Variants in FBN2 observed in about 807,000 individuals in gnomAD.
FBN2 encodes the protein fibrillin 2, also known as fibrillin-2.
In FBN2, 105 loss-of-function variants were observed where a neutral mutation model predicts 355.6. The observed-to-expected ratio is 0.30, with a 90% CI of 0.25 to 0.35. The LOEUF (loss-of-function observed/expected upper bound fraction) is 0.35. FBN2 is among the 10% of genes least tolerant of loss of function. FBN2 has a pLI of 1.00. For missense variants in FBN2, 3,280 were observed against 3,758.7 expected, an observed-to-expected ratio of 0.87 and a Z score of 3.33; for synonymous variants, 1,350 against 1,301.2, an observed-to-expected ratio of 1.04 and a Z score of -0.81.
In FBN2 at chr5:128,290,897, G is replaced by C; in HGVS notation, c.6293-13C>G. 3 of 1,612,406 alleles carry C rather than the reference G, an allele frequency of 1.9e-6. No homozygotes were observed. The highest frequency in any genetic ancestry group is 1.7e-6 in the Non-Finnish European group (2 of 1,178,584). On this transcript the variant is annotated splice_polypyrimidine_tract_variant and intron_variant, in intron 49 of 64. Transcript: ENST00000262464. ...CTCTGGCGAGTATCTAATCAAAAAA[G>C]CAAACATTACAGATGGAATTATTTT...
chr5:128,309,228 G>A lies in FBN2; in HGVS notation c.5353+19C>T, dbSNP rs183524866. ...ATCACTGATGTGGCAGTCAGCAGAT[G>A]CACGAGCCGTGTGCTTACCTGTTCC... On this transcript the variant is annotated intron_variant, in intron 41 of 64. Transcript: ENST00000262464. 1.6e-3 allele frequency: 2,660 copies of A among 1,613,186 alleles called. 5 individuals carry two copies. The highest frequency in any genetic ancestry group is 1.7e-3 in the Non-Finnish European group (2,005 of 1,179,234).
intron 6 of FBN2, among the ~76,000 whole-genome samples, chr5:128,454,618 C>T (rs1754336778): frequency 6.6e-6 from 1 of 152,206 alleles, no homozygotes; most frequent in Admixed American, 6.5e-5. Context: ...GCAACATCTG[C>T]CTGATTTCAG....
chr5:128,504,488 C>A (rs994382556), intron 5 of FBN2, among the ~76,000 whole-genome samples: 1 of 152,180 alleles, frequency 6.6e-6, no homozygotes, highest in Non-Finnish European at 1.5e-5. Context: ...GGGGACCCAC[C>A]TCTTGCTTCA....
intron 62 of FBN2, among the ~76,000 whole-genome samples, chr5:128,265,578 CAA>C (rs1423761252): frequency 6.6e-6 from 1 of 152,138 alleles, no homozygotes; most frequent in Non-Finnish European, 1.5e-5. Context: ...TACTAAAACA[CAA>C]AGTCTTCATA....
At position 128,305,545 on chromosome 5, in the gene FBN2, C is replaced by T. The variant is rs762588295; in HGVS notation, c.5640G>A (p.Ala1880=). 7 of 1,614,004 alleles carry T rather than the reference C, an allele frequency of 4.3e-6. No individual in the cohort carries two copies. The highest frequency in any genetic ancestry group is 3.3e-5 in the Admixed American group (2 of 59,970). Residue 1880 remains alanine (A), a synonymous_variant, in exon 44 of 65, where the codon GCG becomes GCA. Transcript: ENST00000262464. ...CCCCATTGGGTGAAAGTTTGAAACC[C>T]GCGGCACATTCACAGCGGTAACTAC... is the stretch of plus-strand genomic sequence containing the variant. ...SPGSYRCECA[A]GFKLSPNGAC...
intron 6 of FBN2, among the ~76,000 whole-genome samples, chr5:128,454,273 A>C (rs1014073886): frequency 3.9e-5 from 6 of 152,002 alleles, no homozygotes; most frequent in African/African-American, 1.2e-4. Flanking sequence ...ATTCATTTTC[A>C]TGTTAGTTTT....
chr5:128,340,168 A>C (rs1750970994), intron 25 of FBN2, among the ~76,000 whole-genome samples: 1 of 152,210 alleles, frequency 6.6e-6, no homozygotes, highest in African/African-American at 2.4e-5. Flanking sequence ...TAGTCCAAAA[A>C]TCAAAAGTTT....
chr5:128,437,521 A>G (rs1753799298), intron 7 of FBN2, among the ~76,000 whole-genome samples: 1 of 152,162 alleles, frequency 6.6e-6, no homozygotes, highest in Non-Finnish European at 1.5e-5. Context: ...TGATGGTTAT[A>G]TGGGGGCCTC....
At chr5:128,526,972 T>C (rs1276625343) in intron 4 of FBN2, among the ~76,000 whole-genome samples, 23 of 152,148 alleles carry the variant, frequency 1.5e-4, no homozygotes, top group Admixed American at 1.5e-3. Context: ...TAGATATTCT[T>C]TTACACCTAA....
intron 23 of FBN2, among the ~76,000 whole-genome samples, chr5:128,346,665 G>C (rs1038881874): frequency 1.3e-5 from 2 of 151,798 alleles, no homozygotes; most frequent in Non-Finnish European, 2.9e-5. Flanking sequence ...CAGGTGTGGC[G>C]TGGTGGCTCA....
chr5:128,287,559 C>A (rs146291176), intron 53 of FBN2, 129 bp from the exon 54 acceptor site: 1 of 965,154 alleles, frequency 1.0e-6, no homozygotes, highest in Non-Finnish European at 1.6e-6. Flanking sequence ...ACATCTGGTA[C>A]GCAGAATTTA....
In FBN2 at chr5:128,259,589, T is replaced by A; in HGVS notation, c.8605A>T (p.Thr2869Ser). The change falls in exon 65 of 65, where the codon ACA becomes TCA. Residue 2869 changes from threonine to serine, a missense_variant. Physicochemically the swap from Thr to Ser is moderately conservative, Grantham distance 58. Coordinates refer to ENST00000262464, the MANE Select transcript of FBN2 (RefSeq NM_001999.4). ...AKKKLMPGTYTLEITSIPLYK... is the reference protein window; with the variant it reads ...AKKKLMPGTYSLEITSIPLYK... Reference sequence around the variant, plus strand: ...AGAGGGATGCTAGTGATTTCCAGTGTGTATGTGCCGGGCATGAGCTTCTTC... The same window carrying A: ...AGAGGGATGCTAGTGATTTCCAGTGAGTATGTGCCGGGCATGAGCTTCTTC... 1 of 1,614,046 alleles carries A rather than the reference T, an allele frequency of 6.2e-7. No individual in the cohort carries two copies. Among genetic ancestry groups the A allele is most frequent in the Non-Finnish European group, 8.5e-7 (1 of 1,180,004 alleles).
In FBN2 at chr5:128,334,604, TCA is replaced by T. The variant is rs1191647052; in HGVS notation, c.4099+113_4099+114del. On this transcript the variant is annotated intron_variant, in intron 31 of 64. Coordinates refer to ENST00000262464, the MANE Select transcript of FBN2 (RefSeq NM_001999.4). ...GGTCACACACTCATCACACACACAG[TCA>T]CAGTCTGGTGGCAGGTAACCGCTCT... 2.3e-5 allele frequency: 25 copies of T among 1,086,480 alleles called. No individual in the cohort carries two copies. In the African/African-American group the frequency reaches 3.2e-4, roughly 14 times the overall value. 67.3% of individuals were successfully genotyped at this position (1,086,480 alleles called of 1,614,324 possible). A position where few individuals can be genotyped will look rare whatever the true frequency, so the allele number is the denominator to read the frequency against.
At chr5:128,397,839 G>A (rs1304356874) in intron 8 of FBN2, among the ~76,000 whole-genome samples, 5 of 151,974 alleles carry the variant, frequency 3.3e-5, no homozygotes, top group African/African-American at 7.3e-5. Context: ...CACAGTGCCC[G>A]GGGCATAAGA....
At chr5:128,289,726 G>A (rs1749267255) in intron 51 of FBN2, among the ~76,000 whole-genome samples, 156 bp downstream of exon 51, 2 of 151,986 alleles carry the variant, frequency 1.3e-5, no homozygotes, top group Admixed American at 6.6e-5. Flanking sequence ...TATGATATAT[G>A]TATAATGTAT....
intron 42 of FBN2, 149 bp from the exon 43 acceptor site, chr5:128,306,097 G>C: frequency 1.3e-6 from 1 of 757,678 alleles, no homozygotes; most frequent in Admixed American, 2.5e-5. Context: ...TAATTTTTTT[G>C]GTTTATAAAA....
At chr5:128,416,508 C>T (rs1753203385) in intron 7 of FBN2, among the ~76,000 whole-genome samples, 1 of 152,136 alleles carries the variant, frequency 6.6e-6, no homozygotes, top group Non-Finnish European at 1.5e-5. Context: ...GGAGTGTTTC[C>T]CATATGCCTT....
At chr5:128,293,881 C>T (rs1749409525) in intron 48 of FBN2, among the ~76,000 whole-genome samples, 1 of 151,886 alleles carries the variant, frequency 6.6e-6, no homozygotes, top group South Asian at 2.1e-4. Context: ...TACATGTGCA[C>T]AATGTGCAGG....
chr5:128,307,296 C>A, intron 41 of FBN2, 93 bp from the exon 42 acceptor site: 1 of 804,130 alleles, frequency 1.2e-6, no homozygotes, highest in Non-Finnish European at 2.2e-6. Flanking sequence ...ATATATTTTA[C>A]ATTATTCACA....
Sources: gnomAD v4.1 joint callset for allele counts (sites outside exome capture counted in the v4.1 genomes callset) on GRCh38, gnomAD v4.1.1 for gene constraint, MANE v1.5 for transcripts, NCBI Gene and HGNC (gene_info 2026-07-23, HGNC 2026-07-21) for gene names.